CDK14: variants seen among roughly 807,000 people sequenced by gnomAD.
The protein encoded by CDK14 is cyclin dependent kinase 14.
A neutral mutation model predicts 60.7 loss-of-function variants in CDK14; 34 were observed. The observed-to-expected ratio is 0.56, with a 90% CI of 0.43 to 0.75. The LOEUF is 0.75. CDK14 is among the 30% of genes least tolerant of loss of function. The pLI is 0.00. For synonymous variants in CDK14, 197 were observed against 203.7 expected, an observed-to-expected ratio of 0.97 and a Z score of 0.28; for missense variants, 482 against 564.1, an observed-to-expected ratio of 0.85 and a Z score of 1.47.
At chr7:90,946,512 A>G (rs1352875030) in intron 8 of CDK14, among the ~76,000 whole-genome samples, 2 of 152,232 alleles carry the variant, frequency 1.3e-5, no homozygotes, top group East Asian at 3.8e-4. Context: ...AAGTATTACA[A>G]TAATTCAATA....
At chr7:91,013,642 G>C (rs888469937) in intron 10 of CDK14, among the ~76,000 whole-genome samples, 6 of 147,650 alleles carry the variant, frequency 4.1e-5, no homozygotes, top group Admixed American at 2.7e-4. Flanking sequence ...GGATCACACG[G>C]TCTCATTGCC....
chr7:91,118,892 C>T (rs985019031), intron 14 of CDK14, among the ~76,000 whole-genome samples: 4 of 152,174 alleles, frequency 2.6e-5, no homozygotes, highest in Non-Finnish European at 5.9e-5. Context: ...TTGGCAACCT[C>T]TAGCCATGTC....
intron 5 of CDK14, among the ~76,000 whole-genome samples, chr7:90,804,039 G>A (rs879829444): frequency 1.3e-5 from 2 of 152,138 alleles, no homozygotes; most frequent in African/African-American, 2.4e-5. Flanking sequence ...TTCTTTCTTT[G>A]TATTCTATTA....
chr7:90,683,460 C>T (rs1384314559), intron 2 of CDK14, among the ~76,000 whole-genome samples: 1 of 152,180 alleles, frequency 6.6e-6, no homozygotes, highest in Non-Finnish European at 1.5e-5. Flanking sequence ...TGTGCTTCAG[C>T]ATTTCCCCAT....
chr7:90,602,278 C>T (rs959044703), intron 1 of CDK14, among the ~76,000 whole-genome samples: 4 of 152,278 alleles, frequency 2.6e-5, no homozygotes, highest in African/African-American at 7.2e-5. Context: ...ACATAGTGCG[C>T]GTGTTCCATT....
intron 2 of CDK14, among the ~76,000 whole-genome samples, chr7:90,639,128 A>C (rs187846520): frequency 0.018 from 2,702 of 152,132 alleles, 76 homozygotes; most frequent in African/African-American, 0.062. Flanking sequence ...TCTTCTCTCA[A>C]CTCGTCAAAG....
At chr7:90,908,474 T>A (rs1792784110) in intron 7 of CDK14, among the ~76,000 whole-genome samples, 1 of 152,152 alleles carries the variant, frequency 6.6e-6, no homozygotes, top group Non-Finnish European at 1.5e-5. Flanking sequence ...TTGGAAGTGT[T>A]ACATGATGCT....
chr7:91,059,898 A>T (rs1000058596), intron 11 of CDK14, among the ~76,000 whole-genome samples: 13 of 152,136 alleles, frequency 8.5e-5, no homozygotes, highest in Admixed American at 7.9e-4. Flanking sequence ...TGGGGTGGAG[A>T]GTTCTGTAGA....
At chr7:90,934,647 TA>T (rs1173382111) in intron 8 of CDK14, among the ~76,000 whole-genome samples, 1 of 152,220 alleles carries the variant, frequency 6.6e-6, no homozygotes, top group African/African-American at 2.4e-5. Context: ...TTCTGTAAAT[TA>T]AAAAACTAAG....
intron 10 of CDK14, among the ~76,000 whole-genome samples, chr7:90,987,837 TTCTA>T (rs932015700): frequency 4.6e-5 from 7 of 152,126 alleles, no homozygotes; most frequent in African/African-American, 1.7e-4. Context: ...AGAGACTCTT[TTCTA>T]AAGTGGCAAT....
chr7:91,010,053 T>C (rs542770806), intron 10 of CDK14, among the ~76,000 whole-genome samples: 25 of 152,288 alleles, frequency 1.6e-4, no homozygotes, highest in Admixed American at 1.5e-3. Context: ...GACTATCCTT[T>C]CTCCACTGAA....
chr7:90,856,796 T>C (rs1255256303), intron 5 of CDK14, among the ~76,000 whole-genome samples: 1 of 152,232 alleles, frequency 6.6e-6, no homozygotes, highest in Non-Finnish European at 1.5e-5. Context: ...GCCTTAAAGC[T>C]GTCAAGCTGT....
chr7:90,726,468 A>C, intron 2 of CDK14, 99 bp from the exon 3 acceptor site: 1 of 1,367,812 alleles, frequency 7.3e-7, no homozygotes, highest in Non-Finnish European at 9.9e-7. Context: ...GTATTTCCTG[A>C]AACTGAAATT....
intron 3 of CDK14, among the ~76,000 whole-genome samples, chr7:90,737,282 T>G (rs550283961): frequency 9.2e-5 from 14 of 152,280 alleles, no homozygotes; most frequent in Admixed American, 3.3e-4. Context: ...AGAGGGCATA[T>G]TTTCAGAAAC....
At chr7:91,204,807 C>T (rs958385986) in intron 14 of CDK14, among the ~76,000 whole-genome samples, 1 of 152,056 alleles carries the variant, frequency 6.6e-6, no homozygotes, top group Non-Finnish European at 1.5e-5. Context: ...ATTAGCCAGG[C>T]ATGGTGATGT....
At chr7:90,947,240 A>G (rs1316879022) in intron 8 of CDK14, among the ~76,000 whole-genome samples, 1 of 152,088 alleles carries the variant, frequency 6.6e-6, no homozygotes, top group African/African-American at 2.4e-5. Context: ...TCCATCCCAC[A>G]ACCTTATCCC....
chr7:90,856,551 G>A (rs1411620424), intron 5 of CDK14, among the ~76,000 whole-genome samples: 1 of 152,108 alleles, frequency 6.6e-6, no homozygotes, highest in African/African-American at 2.4e-5. Flanking sequence ...CCGGAGCTGC[G>A]TATCAGTGCT....
intron 7 of CDK14, among the ~76,000 whole-genome samples, chr7:90,903,864 A>G (rs1053911974): frequency 1.3e-5 from 2 of 152,172 alleles, no homozygotes; most frequent in African/African-American, 2.4e-5. Context: ...TATACTTTAA[A>G]AAGTATCTTT....
intron 14 of CDK14, among the ~76,000 whole-genome samples, chr7:91,176,593 T>A (rs1445432220): frequency 6.6e-6 from 1 of 151,330 alleles, no homozygotes; most frequent in Non-Finnish European, 1.5e-5. Context: ...GAGAGAAGAA[T>A]CAAATAGACA....
Sources: allele counts gnomAD v4.1 joint callset (sites outside exome capture counted in the v4.1 genomes callset), GRCh38; gene constraint gnomAD v4.1.1; transcripts MANE v1.5; gene names NCBI Gene and HGNC (gene_info 2026-07-23, HGNC 2026-07-21).